The following AGAP1 variants were observed in gnomAD, a reference collection of about 807,000 sequenced individuals.
AGAP1 encodes arf-GAP with GTPase, ANK repeat and PH domain-containing protein 1.
A neutral mutation model predicts 105.3 loss-of-function variants in AGAP1; 29 were observed. That is an observed-to-expected ratio of 0.28 (90% CI 0.21 to 0.38). AGAP1 has a LOEUF of 0.38. AGAP1 is among the 10% of genes least tolerant of loss of function. The pLI, the probability that AGAP1 is intolerant of heterozygous loss-of-function variation, is 1.00. For missense variants in AGAP1, 998 were observed against 1,165.1 expected (o/e 0.86, Z 2.09); for synonymous variants, 509 against 485.9 (o/e 1.05, Z -0.63).
Position 235,623,163 on chromosome 2 carries a change from T to C in AGAP1, c.164-86016T>C, listed in dbSNP as rs1946538332. ...TGATATTTTAAAATCAATGGGCCTT[T>C]CCTTTCATTTCGAACTTTCAATACA... On this transcript the variant is annotated intron_variant, in intron 1 of 17. Transcript: ENST00000304032. The surrounding 1 kb of genome is among the most constrained non-coding windows in gnomAD (Gnocchi z 4.5). Among the ~76,000 whole-genome samples, 1 of 152,228 alleles carries C rather than the reference T, an allele frequency of 6.6e-6. No individual in the cohort carries two copies. The highest frequency in any genetic ancestry group is 2.1e-4 in the South Asian group (1 of 4,824).
In AGAP1 at chr2:235,936,946, T is replaced by TA. The variant is rs2053020846; in HGVS notation, c.1483+6025dup. ...TCATTCCCCTCTGCTTTTTTTTTTT[T>TA]AAGGAGAAACGCATGCTTAGTACTA... On this transcript the variant is annotated intron_variant, in intron 12 of 17. Coordinates refer to ENST00000304032, the MANE Select transcript of AGAP1 (RefSeq NM_001037131.3). This position sits in a 1 kb window ranked among gnomAD's most constrained non-coding sequence, Gnocchi z 4.7. 6.6e-6 allele frequency among the ~76,000 whole-genome samples: 1 copy of TA among 152,082 alleles called. No individual in the cohort carries two copies. The highest frequency in any genetic ancestry group is 2.1e-4 in the South Asian group (1 of 4,820).
chr2:236,094,383 G>T (rs1430226038), intron 16 of AGAP1, among the ~76,000 whole-genome samples: 2 of 149,900 alleles, frequency 1.3e-5, no homozygotes, highest in African/African-American at 2.5e-5. Context: ...TTTAGACAGG[G>T]TCTCTGTGGC....
rs189842453 is a variant in AGAP1, at chr2:235,905,649, G to A, written c.1156-3089G>A. Reference sequence around the variant, plus strand: ...CAAGTAGCTGGGATTACAAGCACACGCCACCACACCTGGCTAATTTTGTAT... The same window carrying A: ...CAAGTAGCTGGGATTACAAGCACACACCACCACACCTGGCTAATTTTGTAT... On this transcript the variant is annotated intron_variant, in intron 10 of 17. Transcript: ENST00000304032. The surrounding 1 kb of genome is among the most constrained non-coding windows in gnomAD (Gnocchi z 4.2). Among the ~76,000 whole-genome samples, 6 of 152,202 alleles carry A rather than the reference G, an allele frequency of 3.9e-5. No individual in the cohort carries two copies. Among genetic ancestry groups the A allele is most frequent in the Admixed American group, 2.6e-4 (4 of 15,296 alleles).
intron 9 of AGAP1, among the ~76,000 whole-genome samples, chr2:235,813,304 C>T (rs1042322905): frequency 1.3e-5 from 2 of 152,202 alleles, no homozygotes; most frequent in South Asian, 2.1e-4. Context: ...GCAAAGCAAT[C>T]GAAAAGAATA....
chr2:235,942,649 G>A (rs992143918), intron 12 of AGAP1, among the ~76,000 whole-genome samples: 3 of 149,888 alleles, frequency 2.0e-5, no homozygotes, highest in Admixed American at 1.3e-4. Flanking sequence ...TCCAGCCTGG[G>A]TAACAAGAGC....
intron 1 of AGAP1, among the ~76,000 whole-genome samples, chr2:235,661,308 G>T (rs533137032): frequency 3.3e-5 from 5 of 152,118 alleles, no homozygotes; most frequent in South Asian, 2.1e-4. Context: ...TAAGTGGGAC[G>T]TAATCGAGTG....
rs1295501033 is a variant in AGAP1 at position 235,517,179 on chromosome 2, C to A, written c.163+22330C>A. Among the ~76,000 whole-genome samples, 3 of 152,200 alleles carry A rather than the reference C, an allele frequency of 2.0e-5. No individual in the cohort carries two copies. The highest frequency in any genetic ancestry group is 4.4e-5 in the Non-Finnish European group (3 of 68,038). ...TGGTCTTTTCCGTGTGTGTGGTCTT[C>A]AGTGTTTTTCCGTTCTCAGGAGGAC... On this transcript the variant is annotated intron_variant, in intron 1 of 17. Transcript: ENST00000304032. This position sits in a 1 kb window ranked among gnomAD's most constrained non-coding sequence, Gnocchi z 4.1.
At position 235,983,925 on chromosome 2, in the gene AGAP1, A is replaced by T. The variant is rs1251367084; in HGVS notation, c.1645+15302A>T. ...TATGTAACATAAAATTTGCCATTTT[A>T]ATTGTTTTTAAGTGTTCAATTCAGT... On this transcript the variant is annotated intron_variant, in intron 13 of 17. Transcript: ENST00000304032. The surrounding 1 kb of genome is among the most constrained non-coding windows in gnomAD (Gnocchi z 4.5). 6.6e-6 allele frequency among the ~76,000 whole-genome samples: 1 copy of T among 152,218 alleles called. No homozygotes were observed. Among genetic ancestry groups the T allele is most frequent in the Non-Finnish European group, 1.5e-5 (1 of 68,042 alleles).
At chr2:235,807,993 G>A (rs997942812) in intron 9 of AGAP1, among the ~76,000 whole-genome samples, 1 of 151,990 alleles carries the variant, frequency 6.6e-6, no homozygotes, top group Admixed American at 6.6e-5. Context: ...CCTGGAACAG[G>A]GTTTCATTAG....
In AGAP1 at chr2:235,736,368, A is replaced by C. The variant is rs1328980030; in HGVS notation, c.311-4595A>C. ...AAATGAAGTTATGCTGATGTCATTT[A>C]ATCGTACGTCATCATAATTGGCAGC... On this transcript the variant is annotated intron_variant, in intron 3 of 17. Transcript: ENST00000304032. This position sits in a 1 kb window ranked among gnomAD's most constrained non-coding sequence, Gnocchi z 5.5. 6.6e-6 allele frequency among the ~76,000 whole-genome samples: 1 copy of C among 152,116 alleles called. No homozygotes were observed.
intron 1 of AGAP1, among the ~76,000 whole-genome samples, chr2:235,707,094 G>A (rs561927152): frequency 3.9e-5 from 6 of 152,270 alleles, no homozygotes; most frequent in South Asian, 4.2e-4. Flanking sequence ...AAAATTTTGC[G>A]CCCCCGATAT....
At chr2:235,813,730 G>C (rs1281335970) in intron 9 of AGAP1, among the ~76,000 whole-genome samples, 6 of 152,234 alleles carry the variant, frequency 3.9e-5, no homozygotes, top group Non-Finnish European at 5.9e-5. Context: ...AGCTCAGTTA[G>C]TCCCTCTGCC....
In AGAP1 at chr2:235,610,053, C is replaced by T. The variant is rs1946075464; in HGVS notation, c.164-99126C>T. Among the ~76,000 whole-genome samples, 1 of 152,120 alleles carries T rather than the reference C, an allele frequency of 6.6e-6. No individual in the cohort carries two copies. On this transcript the variant is annotated intron_variant, in intron 1 of 17. Transcript: ENST00000304032. The surrounding 1 kb of genome is among the most constrained non-coding windows in gnomAD (Gnocchi z 4.9). ...GTTGCCAGCAGCAATGCTTTTCCTGCATTTGCCCCAACTCTGTGCAGGGCC... is the reference window on the plus strand; with the variant it reads ...GTTGCCAGCAGCAATGCTTTTCCTGTATTTGCCCCAACTCTGTGCAGGGCC...
At chr2:235,710,829 C>G (rs1014670874) in intron 2 of AGAP1, among the ~76,000 whole-genome samples, 2 of 152,176 alleles carry the variant, frequency 1.3e-5, no homozygotes, top group African/African-American at 4.8e-5. Flanking sequence ...GTGATGGGCA[C>G]GGAACAGTAG....
chr2:236,060,079 A>C (rs2058149642), intron 16 of AGAP1, among the ~76,000 whole-genome samples: 1 of 152,174 alleles, frequency 6.6e-6, no homozygotes, highest in African/African-American at 2.4e-5. Flanking sequence ...TGACAGAGCA[A>C]GACTTCGTCT....
At chr2:235,626,066 T>A (rs1158392899) in intron 1 of AGAP1, among the ~76,000 whole-genome samples, 1 of 151,946 alleles carries the variant, frequency 6.6e-6, no homozygotes, top group Non-Finnish European at 1.5e-5. Flanking sequence ...TCACTGAATA[T>A]AGGCCAGTGC....
At chr2:235,881,876 A>T (rs1205648182) in intron 9 of AGAP1, among the ~76,000 whole-genome samples, 2 of 152,210 alleles carry the variant, frequency 1.3e-5, no homozygotes, top group African/African-American at 4.8e-5. Flanking sequence ...TTAAAAATGA[A>T]TTAGAGTAAA....
Position 235,716,053 on chromosome 2 carries a change from G to A in AGAP1, c.223-1504G>A, listed in dbSNP as rs2149539581. ...ACGGCGGCCAGGGGATGCGATTTGG[G>A]AATAGGCAGCTTTTTTTTCCCCCCA... On this transcript the variant is annotated intron_variant, in intron 2 of 17. Coordinates refer to ENST00000304032, the MANE Select transcript of AGAP1 (RefSeq NM_001037131.3). The surrounding 1 kb of genome is among the most constrained non-coding windows in gnomAD (Gnocchi z 4.0). Among the ~76,000 whole-genome samples, 1 of 152,266 alleles carries A rather than the reference G, an allele frequency of 6.6e-6. No individual in the cohort carries two copies. Among genetic ancestry groups the A allele is most frequent in the African/African-American group, 2.4e-5 (1 of 41,506 alleles).
intron 12 of AGAP1, among the ~76,000 whole-genome samples, chr2:235,956,290 C>A (rs1358450886): frequency 1.3e-5 from 2 of 152,194 alleles, no homozygotes; most frequent in Non-Finnish European, 2.9e-5. Flanking sequence ...TTAATTTAAA[C>A]TTTGTGCTGC....
Sources: allele counts gnomAD v4.1 joint callset (sites outside exome capture counted in the v4.1 genomes callset), GRCh38; gene constraint gnomAD v4.1.1; non-coding constraint Gnocchi (gnomAD v3.1); transcripts MANE v1.5; gene names NCBI Gene and HGNC (gene_info 2026-07-23, HGNC 2026-07-21).